Variants in MARCHF7 observed in about 807,000 individuals in gnomAD.
The protein encoded by MARCHF7 is E3 ubiquitin-protein ligase MARCHF7.
Under a neutral mutation model 76.5 loss-of-function variants are expected in MARCHF7, and 20 were observed. That is an observed-to-expected ratio of 0.26 (90% CI 0.18 to 0.38). MARCHF7 has a LOEUF of 0.38. Among genes scored for constraint, MARCHF7 ranks in the 10% least tolerant of loss-of-function variants. MARCHF7 has a pLI of 1.00. For missense variants in MARCHF7, 797 were observed against 812.9 expected (o/e 0.98, Z 0.24); for synonymous variants, 295 against 293.0 (o/e 1.01, Z -0.07).
intron 3 of MARCHF7, among the ~76,000 whole-genome samples, chr2:159,718,964 C>T (rs1434471884): frequency 6.6e-6 from 1 of 152,094 alleles, no homozygotes; most frequent in Non-Finnish European, 1.5e-5. Context: ...CAGCGTTCTC[C>T]TGGACCTTCT....
Position 159,768,127 on chromosome 2 carries a change from G to A in MARCHF7, c.*785G>A, listed in dbSNP as rs1350180396. On this transcript the variant is annotated 3_prime_UTR_variant, in exon 12 of 12. Coordinates refer to ENST00000409175, the MANE Select transcript of MARCHF7 (RefSeq NM_001282805.2). Reference sequence around the variant, plus strand: ...AAATTATTGCAATCTCAAGTTAATGGAATATTTTTAAATCCCACATTCAGA... The same window carrying A: ...AAATTATTGCAATCTCAAGTTAATGAAATATTTTTAAATCCCACATTCAGA... The A allele has an allele frequency of 6.6e-6, 1 of 152,462 alleles. No homozygotes were observed. Among genetic ancestry groups the A allele is most frequent in the Non-Finnish European group, 1.5e-5 (1 of 67,950 alleles). 9.4% of individuals were successfully genotyped at this position (152,462 alleles called of 1,614,324 possible).
At chr2:159,765,927 A>G (rs975808640) in intron 11 of MARCHF7, among the ~76,000 whole-genome samples, 1 of 152,114 alleles carries the variant, frequency 6.6e-6, no homozygotes, top group African/African-American at 2.4e-5. Context: ...TTAAATTACA[A>G]TTTATACTTT....
At position 159,752,491 on chromosome 2, in the gene MARCHF7, A is replaced by T. The variant is rs1348460942; in HGVS notation, c.1703A>T (p.Glu568Val). 1 of 1,606,326 alleles carries T rather than the reference A, an allele frequency of 6.2e-7. No homozygotes were observed. Among genetic ancestry groups the T allele is most frequent in the Non-Finnish European group, 8.5e-7 (1 of 1,177,070 alleles). ...GCATCATCATCTAATTTGCTGATAG[A>T]GCCATGCAAGTGCACAGGAAGTTTG... Reference protein sequence around the residue: ...AAASSSNLLIEPCKCTGSLQY... With the variant: ...AAASSSNLLIVPCKCTGSLQY... The change falls in exon 8 of 12, where the codon GAG (glutamate) becomes GTG (valine). Residue 568 changes from glutamate to valine, a missense_variant. By Grantham distance (121) the Glu-to-Val change is moderately radical (BLOSUM62 -2). Coordinates refer to ENST00000409175, the MANE Select transcript of MARCHF7 (RefSeq NM_001282805.2).
intron 8 of MARCHF7, among the ~76,000 whole-genome samples, chr2:159,755,836 G>A (rs1706226209): frequency 6.6e-6 from 1 of 152,142 alleles, no homozygotes. Flanking sequence ...GGAGGAGTTG[G>A]GTTCAAGTTG....
chr2:159,716,283 A>G (rs564541597), intron 3 of MARCHF7, among the ~76,000 whole-genome samples: 1 of 152,024 alleles, frequency 6.6e-6, no homozygotes, highest in Admixed American at 6.5e-5. Flanking sequence ...TTTTTAAGAA[A>G]AGGATATGCA....
chr2:159,736,389 G>T (rs1703459550), intron 4 of MARCHF7, among the ~76,000 whole-genome samples: 1 of 152,064 alleles, frequency 6.6e-6, no homozygotes, highest in African/African-American at 2.4e-5. Context: ...ATCTTTTCAT[G>T]TGCTAATTGG....
Position 159,770,374 on chromosome 2 carries a change from A to C in MARCHF7, c.*3032A>C, listed in dbSNP as rs887186160. On this transcript the variant is annotated 3_prime_UTR_variant, in exon 12 of 12. Coordinates refer to ENST00000409175, the MANE Select transcript of MARCHF7 (RefSeq NM_001282805.2). Reference sequence around the variant, plus strand: ...GTAGCCGCACTGTTAATAGTTTTCTATCACTTTTTAGTTACTCATGTCTCA... The same window carrying C: ...GTAGCCGCACTGTTAATAGTTTTCTCTCACTTTTTAGTTACTCATGTCTCA... 1 of 140,382 alleles carries C rather than the reference A, an allele frequency of 7.1e-6. No individual in the cohort carries two copies. The highest frequency in any genetic ancestry group is 1.5e-5 in the Non-Finnish European group (1 of 67,864). 8.7% of individuals were successfully genotyped at this position (140,382 alleles called of 1,614,324 possible).
At chr2:159,743,421 C>A (rs1023402061) in intron 5 of MARCHF7, among the ~76,000 whole-genome samples, 168 bp downstream of exon 5, 16 of 152,148 alleles carry the variant, frequency 1.1e-4, no homozygotes, top group Non-Finnish European at 2.1e-4. Context: ...TGATACTCTT[C>A]TGCATTTTTC....
rs1489791403 is a variant in MARCHF7, at chr2:159,761,114, C to G, written c.1894-1766C>G. Among the ~76,000 whole-genome samples, 3 of 151,526 alleles carry G rather than the reference C, an allele frequency of 2.0e-5. No homozygotes were observed. In the East Asian group the frequency reaches 5.8e-4, roughly 29 times the overall value. On this transcript the variant is annotated intron_variant, in intron 9 of 11. Transcript: ENST00000409175. ...AATCTCAGCTCACGACAACCTCTGCCTCCTGAGTTTAAGCGATTCTCTTGC... is the reference window on the plus strand; with the variant it reads ...AATCTCAGCTCACGACAACCTCTGCGTCCTGAGTTTAAGCGATTCTCTTGC...
At chr2:159,716,971 A>G (rs963923271) in intron 3 of MARCHF7, among the ~76,000 whole-genome samples, 10 of 152,182 alleles carry the variant, frequency 6.6e-5, no homozygotes, top group Non-Finnish European at 1.5e-4. Flanking sequence ...GGGCAGTTCT[A>G]CTGATTTTGC....
At chr2:159,732,682 C>A (rs542936074) in intron 4 of MARCHF7, among the ~76,000 whole-genome samples, 1 of 152,226 alleles carries the variant, frequency 6.6e-6, no homozygotes, top group African/African-American at 2.4e-5. Flanking sequence ...CACACACACA[C>A]ACGTGGCTAA....
intron 10 of MARCHF7, among the ~76,000 whole-genome samples, chr2:159,764,211 T>TG (rs1280265934): frequency 2.3e-4 from 24 of 104,708 alleles, no homozygotes; most frequent in African/African-American, 7.3e-4. Flanking sequence ...TCTTGGGAGT[T>TG]TTGTGTGTGT....
At chr2:159,715,447 A>G (rs931918814) in intron 2 of MARCHF7, among the ~76,000 whole-genome samples, 5 of 152,112 alleles carry the variant, frequency 3.3e-5, no homozygotes, top group African/African-American at 9.7e-5. Flanking sequence ...CCCAGACTCA[A>G]GCAGTTCTCC....
At chr2:159,726,853 T>C (rs1702232564) in intron 3 of MARCHF7, among the ~76,000 whole-genome samples, 1 of 152,212 alleles carries the variant, frequency 6.6e-6, no homozygotes, top group Admixed American at 6.5e-5. Context: ...TATAATTATT[T>C]TTAATGTATC....
At chr2:159,731,932 G>A (rs1702846595) in intron 4 of MARCHF7, among the ~76,000 whole-genome samples, 1 of 149,578 alleles carries the variant, frequency 6.7e-6, no homozygotes, top group Non-Finnish European at 1.5e-5. Context: ...GTGAAACCCC[G>A]TCTCCACTAA....
intron 4 of MARCHF7, among the ~76,000 whole-genome samples, chr2:159,731,608 G>C (rs1231955605): frequency 6.6e-6 from 1 of 151,740 alleles, no homozygotes. Context: ...GACAAAATTA[G>C]CTGGGCGTGG....
chr2:159,728,365 T>G (rs1702407523), intron 3 of MARCHF7, among the ~76,000 whole-genome samples: 1 of 152,238 alleles, frequency 6.6e-6, no homozygotes, highest in Admixed American at 6.5e-5. Flanking sequence ...TCATTCTTAC[T>G]TGTGTTTATT....
intron 11 of MARCHF7, among the ~76,000 whole-genome samples, chr2:159,765,669 G>A (rs1707681583): frequency 6.6e-6 from 1 of 152,022 alleles, no homozygotes; most frequent in Non-Finnish European, 1.5e-5. Flanking sequence ...GTTTAAAAAG[G>A]ACTTAGTCCT....
chr2:159,733,083 T>TC (rs1703015700), intron 4 of MARCHF7: 1 of 610,418 alleles, frequency 1.6e-6, no homozygotes, highest in Non-Finnish European at 2.0e-6. Flanking sequence ...TTATAATTGT[T>TC]AACTTTTACT....
Sources: gnomAD v4.1 joint callset for allele counts (sites outside exome capture counted in the v4.1 genomes callset) on GRCh38, gnomAD v4.1.1 for gene constraint, MANE v1.5 for transcripts, NCBI Gene and HGNC (gene_info 2026-07-23, HGNC 2026-07-21) for gene names.